The following VPS13B variants were observed in gnomAD, a reference collection of about 807,000 sequenced individuals.
VPS13B encodes vacuolar protein sorting 13 homolog B.
In VPS13B, 285 loss-of-function variants were observed where a neutral mutation model predicts 426.4. That is an observed-to-expected ratio of 0.67 (90% CI 0.61 to 0.74). The LOEUF is 0.74. VPS13B is among the 30% of genes least tolerant of loss of function. The pLI is 0.00. For synonymous variants in VPS13B, 1,676 were observed against 1,676.4 expected, an observed-to-expected ratio of 1.00 and a Z score of 0.01; for missense variants, 4,537 against 4,782.6, an observed-to-expected ratio of 0.95 and a Z score of 1.51.
chr8:99,237,347 T>TA (rs769966178), intron 17 of VPS13B, among the ~76,000 whole-genome samples: 13 of 152,318 alleles, frequency 8.5e-5, no homozygotes, highest in East Asian at 3.9e-4. Context: ...AAAACTACTA[T>TA]AAAAATAGAG....
chr8:99,698,164 T>A (rs547568666), intron 35 of VPS13B: 2 of 226,760 alleles, frequency 8.8e-6, no homozygotes, highest in African/African-American at 4.5e-5. Context: ...TAAATTTTAA[T>A]TTTCATCATT....
At chr8:99,168,276 A>G (rs78616250) in intron 15 of VPS13B, among the ~76,000 whole-genome samples, 8,289 of 152,120 alleles carry the variant, frequency 0.054, 266 homozygotes, top group African/African-American at 0.088. Flanking sequence ...AAATGACAGA[A>G]TAGTATGTAG....
intron 39 of VPS13B, among the ~76,000 whole-genome samples, chr8:99,733,499 A>G (rs896953913): frequency 6.6e-6 from 1 of 152,254 alleles, no homozygotes; most frequent in African/African-American, 2.4e-5. Context: ...TATGTAGAAC[A>G]GTGTCTAGCA....
intron 17 of VPS13B, among the ~76,000 whole-genome samples, chr8:99,248,083 A>G (rs540723433): frequency 1.3e-5 from 2 of 152,314 alleles, no homozygotes; most frequent in African/African-American, 4.8e-5. Flanking sequence ...ATTGGTTTAT[A>G]CAGACACCAC....
Position 99,135,147 on chromosome 8 carries a change from T to C in VPS13B, c.1425+10T>C. The C allele has an allele frequency of 6.2e-7, 1 of 1,613,078 alleles. No individual in the cohort carries two copies. The highest frequency in any genetic ancestry group is 8.5e-7 in the Non-Finnish European group (1 of 1,179,236). On this transcript the variant is annotated intron_variant, in intron 10 of 61. Transcript: ENST00000357162. Reference sequence around the variant, plus strand: ...GAATAGAAGTGAAACTGTAAGTCCGTTTCCTCCATCCTTTTTTGGATAGGA... The same window carrying C: ...GAATAGAAGTGAAACTGTAAGTCCGCTTCCTCCATCCTTTTTTGGATAGGA...
chr8:99,481,494 A>G, intron 24 of VPS13B, 105 bp from the exon 25 acceptor site: 2 of 1,304,206 alleles, frequency 1.5e-6, no homozygotes, highest in Non-Finnish European at 2.2e-6. Flanking sequence ...TTGTTTTATA[A>G]ATTTTATTTC....
chr8:99,307,924 T>C (rs1394256718), intron 19 of VPS13B, among the ~76,000 whole-genome samples: 1 of 152,114 alleles, frequency 6.6e-6, no homozygotes, highest in Non-Finnish European at 1.5e-5. Flanking sequence ...GCTTTTGCTG[T>C]ATTCCCTAGG....
At chr8:99,640,058 A>AGAAGAAGAAG (rs1400114054) in intron 33 of VPS13B, among the ~76,000 whole-genome samples, 10 of 68,432 alleles carry the variant, frequency 1.5e-4, no homozygotes, top group African/African-American at 5.1e-4. Context: ...AGAGAAAAGA[A>AGAAGAAGAAG]AAGAAAAGAA....
At chr8:99,723,439 A>G (rs949362720) in intron 39 of VPS13B, among the ~76,000 whole-genome samples, 1 of 152,188 alleles carries the variant, frequency 6.6e-6, no homozygotes, top group East Asian at 1.9e-4. Context: ...GAATTTATGG[A>G]TTAGGGATCT....
chr8:99,040,555 C>T (rs190767603), intron 3 of VPS13B, among the ~76,000 whole-genome samples: 2 of 152,066 alleles, frequency 1.3e-5, no homozygotes, highest in African/African-American at 4.8e-5. Flanking sequence ...GTAGATGAAA[C>T]AGATTTTAAA....
chr8:99,800,222 C>G (rs1360935243), intron 43 of VPS13B, among the ~76,000 whole-genome samples: 2 of 152,102 alleles, frequency 1.3e-5, no homozygotes, highest in Non-Finnish European at 2.9e-5. Flanking sequence ...ACATATATAT[C>G]AAAGTTCTTT....
At position 99,574,311 on chromosome 8, in the gene VPS13B, G is replaced by T. The variant is rs185909368; in HGVS notation, c.4950-1347G>T. Among the ~76,000 whole-genome samples the T allele has an allele frequency of 6.6e-5, 10 of 152,168 alleles. No homozygotes were observed. In the East Asian group the frequency reaches 7.7e-4, roughly 12 times the overall value. On this transcript the variant is annotated intron_variant, in intron 31 of 61. Coordinates refer to ENST00000357162, the MANE Select transcript of VPS13B (RefSeq NM_152564.5). ...CTTTATTTCTTTCTCCTGCCTGATT[G>T]CCCTGGCCAGAACTTCCAACACTAT... is the stretch of plus-strand genomic sequence containing the variant.
At chr8:99,693,801 C>T (rs1270357254) in intron 35 of VPS13B, among the ~76,000 whole-genome samples, 3,674 of 148,844 alleles carry the variant, frequency 0.025, 51 homozygotes, top group Non-Finnish European at 0.036. Flanking sequence ...AAAACCCCAT[C>T]GTCTCAGCCC....
chr8:99,313,169 G>T (rs550443071), intron 19 of VPS13B, among the ~76,000 whole-genome samples: 1 of 152,106 alleles, frequency 6.6e-6, no homozygotes, highest in Admixed American at 6.6e-5. Context: ...CTCTCAACTC[G>T]TCAAAGTCGT....
At position 99,197,494 on chromosome 8, in the gene VPS13B, A is replaced by G. The variant is rs905923356; in HGVS notation, c.2515+4437A>G. Among the ~76,000 whole-genome samples the G allele has an allele frequency of 2.6e-5, 4 of 152,148 alleles. No individual in the cohort carries two copies. In the South Asian group the frequency reaches 8.3e-4, roughly 32 times the overall value. On this transcript the variant is annotated intron_variant, in intron 17 of 61. Coordinates refer to ENST00000357162, the MANE Select transcript of VPS13B (RefSeq NM_152564.5). ...TCTTACTCATTATTGGTCTACTCGT[A>G]TTTTCCATTCTTTCATGATTGAGTC...
At chr8:99,034,542 C>T (rs1157523244) in intron 2 of VPS13B, among the ~76,000 whole-genome samples, 1 of 151,870 alleles carries the variant, frequency 6.6e-6, no homozygotes, top group Non-Finnish European at 1.5e-5. Context: ...GGTGGAACAA[C>T]AGATATACAG....
At chr8:99,387,716 T>G (rs1445371757) in intron 20 of VPS13B, among the ~76,000 whole-genome samples, 2 of 152,130 alleles carry the variant, frequency 1.3e-5, no homozygotes, top group African/African-American at 2.4e-5. Flanking sequence ...CAATATTTAT[T>G]AAGTCATGAC....
chr8:99,814,132 C>T (rs558997691), intron 44 of VPS13B, among the ~76,000 whole-genome samples: 10 of 152,040 alleles, frequency 6.6e-5, no homozygotes, highest in African/African-American at 2.2e-4. Context: ...AGAGCAAGAC[C>T]CCCATCTAAA....
At chr8:99,821,237 A>C in intron 49 of VPS13B, 57 bp from the exon 50 acceptor site, 12 of 1,581,588 alleles carry the variant, frequency 7.6e-6, no homozygotes, top group Non-Finnish European at 1.0e-5. Context: ...TGAGGATTGA[A>C]GTAAAAAATA....
Sources: allele counts gnomAD v4.1 joint callset (sites outside exome capture counted in the v4.1 genomes callset), GRCh38; gene constraint gnomAD v4.1.1; transcripts MANE v1.5; gene names NCBI Gene and HGNC (gene_info 2026-07-23, HGNC 2026-07-21).